CDH18: variants seen among roughly 807,000 people sequenced by gnomAD.
The protein encoded by CDH18 is cadherin 18, also known as cadherin-18.
Under a neutral mutation model 67.9 loss-of-function variants are expected in CDH18, and 31 were observed. The observed-to-expected ratio is 0.46, with a 90% CI of 0.34 to 0.62. CDH18 has a LOEUF of 0.62. CDH18 is among the 20% of genes least tolerant of loss of function. CDH18 has a pLI of 0.01. For synonymous variants in CDH18, 362 were observed against 347.2 expected (o/e 1.04, Z -0.48); for missense variants, 890 against 975.5 (o/e 0.91, Z 1.17).
At chr5:19,494,615 G>A (rs577451220) in intron 11 of CDH18, among the ~76,000 whole-genome samples, 22 of 152,180 alleles carry the variant, frequency 1.4e-4, no homozygotes, top group East Asian at 5.8e-4. Flanking sequence ...ATATAATCAC[G>A]TTCAATATGT....
At chr5:20,393,977 A>G (rs542252343) in intron 1 of CDH18, among the ~76,000 whole-genome samples, 1 of 152,192 alleles carries the variant, frequency 6.6e-6, no homozygotes, top group Non-Finnish European at 1.5e-5. Context: ...GACAATGACC[A>G]TACTGCCCAA....
At chr5:19,883,008 T>C (rs1199033620) in intron 2 of CDH18, among the ~76,000 whole-genome samples, 3 of 152,168 alleles carry the variant, frequency 2.0e-5, no homozygotes, top group Non-Finnish European at 2.9e-5. Context: ...TTTAGCCCTT[T>C]AAAGGAAAGG....
At chr5:20,167,568 A>C (rs2126635431) in intron 2 of CDH18, among the ~76,000 whole-genome samples, 1 of 152,322 alleles carries the variant, frequency 6.6e-6, no homozygotes, top group Non-Finnish European at 1.5e-5. Context: ...GGTGCATAGT[A>C]GGCAATGGCG....
chr5:20,455,021 T>C (rs1750739394), intron 1 of CDH18, among the ~76,000 whole-genome samples: 1 of 151,890 alleles, frequency 6.6e-6, no homozygotes, highest in East Asian at 1.9e-4. Flanking sequence ...GGGCTCATTG[T>C]GTGTTACCTC....
chr5:20,405,444 G>T (rs61659238), intron 1 of CDH18, among the ~76,000 whole-genome samples: 3,629 of 152,206 alleles, frequency 0.024, 128 homozygotes, highest in African/African-American at 0.08. Context: ...ATTCAAGATG[G>T]ATTAAAAACT....
chr5:20,450,321 T>G (rs1157446912), intron 1 of CDH18, among the ~76,000 whole-genome samples: 3 of 152,166 alleles, frequency 2.0e-5, no homozygotes, highest in Admixed American at 6.6e-5. Flanking sequence ...CACTCCAGCC[T>G]GGGCAACAAA....
chr5:19,702,145 T>A (rs1561088636), intron 5 of CDH18, among the ~76,000 whole-genome samples: 1 of 56,440 alleles, frequency 1.8e-5, no homozygotes, highest in South Asian at 1.2e-3. Context: ...TTTCTTTCTC[T>A]CTCTTTTTTT....
intron 5 of CDH18, among the ~76,000 whole-genome samples, chr5:19,628,242 C>G (rs1751847878): frequency 2.0e-5 from 3 of 152,158 alleles, no homozygotes; most frequent in Admixed American, 2.0e-4. Flanking sequence ...TTGCCTGCCA[C>G]CATGATTGTG....
At chr5:20,410,855 A>G (rs78118667) in intron 1 of CDH18, among the ~76,000 whole-genome samples, 11,111 of 151,958 alleles carry the variant, frequency 0.073, 474 homozygotes, top group African/African-American at 0.11. Context: ...CATTCACAAT[A>G]GTATTAAAGG....
At chr5:20,531,082 A>G (rs2126553658) in intron 1 of CDH18, among the ~76,000 whole-genome samples, 1 of 152,286 alleles carries the variant, frequency 6.6e-6, no homozygotes, top group East Asian at 1.9e-4. Context: ...GGCAAAGGCC[A>G]TGAACAGACA....
chr5:20,235,286 A>T (rs1283959313), intron 2 of CDH18, among the ~76,000 whole-genome samples: 7 of 152,100 alleles, frequency 4.6e-5, no homozygotes. Flanking sequence ...GCTTGGACCT[A>T]ATTAAACCAA....
intron 10 of CDH18, among the ~76,000 whole-genome samples, chr5:19,518,410 AAAG>A: frequency 6.6e-6 from 1 of 152,138 alleles, no homozygotes; most frequent in Non-Finnish European, 1.5e-5. Flanking sequence ...TGAAGGATGC[AAAG>A]CATTGTTCCT....
intron 2 of CDH18, among the ~76,000 whole-genome samples, chr5:19,957,566 G>C (rs1487334977): frequency 6.6e-6 from 1 of 151,708 alleles, no homozygotes; most frequent in African/African-American, 2.4e-5. Flanking sequence ...TAGAAACATG[G>C]AGTTATTTTA....
At chr5:20,489,142 T>G (rs556207259) in intron 1 of CDH18, among the ~76,000 whole-genome samples, 2 of 152,166 alleles carry the variant, frequency 1.3e-5, no homozygotes, top group East Asian at 1.9e-4. Flanking sequence ...ATATGTATCA[T>G]TCACTATACC....
At chr5:19,645,396 C>T (rs377435927) in intron 5 of CDH18, among the ~76,000 whole-genome samples, 3 of 151,966 alleles carry the variant, frequency 2.0e-5, no homozygotes, top group East Asian at 1.9e-4. Context: ...ACCTTAGGAG[C>T]GAATGTGGCT....
intron 4 of CDH18, 132 bp downstream of exon 4, chr5:19,746,810 T>C (rs1171196920): frequency 2.7e-6 from 2 of 730,944 alleles, no homozygotes; most frequent in Non-Finnish European, 4.4e-6. Flanking sequence ...CAAAAAATAC[T>C]AAAATATTTT....
intron 1 of CDH18, among the ~76,000 whole-genome samples, chr5:20,256,023 G>C (rs1011638478): frequency 3.8e-4 from 57 of 151,690 alleles, no homozygotes; most frequent in African/African-American, 1.3e-3. Flanking sequence ...ATAACCTAAA[G>C]TATAATATGA....
intron 2 of CDH18, among the ~76,000 whole-genome samples, chr5:20,129,714 A>G (rs1432485552): frequency 6.6e-6 from 1 of 152,094 alleles, no homozygotes; most frequent in East Asian, 1.9e-4. Flanking sequence ...TTACTCATGA[A>G]GAACATAAAA....
chr5:20,224,833 T>C (rs1479635956), intron 2 of CDH18, among the ~76,000 whole-genome samples: 3 of 152,040 alleles, frequency 2.0e-5, no homozygotes, highest in African/African-American at 2.4e-5. Context: ...TACCAGAAAA[T>C]TGACAATTTC....
Sources: allele counts gnomAD v4.1 joint callset (sites outside exome capture counted in the v4.1 genomes callset), GRCh38; gene constraint gnomAD v4.1.1; transcripts MANE v1.5; gene names NCBI Gene and HGNC (gene_info 2026-07-23, HGNC 2026-07-21).